PRPF18: variants seen among roughly 807,000 people sequenced by gnomAD.
PRPF18 encodes the protein pre-mRNA processing factor 18, also known as pre-mRNA-splicing factor 18.
Under a neutral mutation model 46.5 loss-of-function variants are expected in PRPF18, and 38 were observed. The ratio of observed to expected loss-of-function variants is 0.82; its 90% CI spans 0.63 to 1.07. The LOEUF is 1.07. Among genes scored for constraint, PRPF18 ranks in the 50% least tolerant of loss-of-function variants. The pLI is 0.00. For missense variants in PRPF18, 263 were observed against 410.0 expected (o/e 0.64, Z 3.10); for synonymous variants, 152 against 146.7 (o/e 1.04, Z -0.26).
chr10:13,655,132 G>T, the PRPF18 span: 2 of 152,272 alleles, frequency 1.3e-5, no homozygotes, highest in Admixed American at 1.3e-4. Context: ...TGGAAGTCCA[G>T]CTGGAAAGAT....
chr10:13,594,549 G>C (rs2065002868), intron 1 of PRPF18, among the ~76,000 whole-genome samples: 1 of 152,134 alleles, frequency 6.6e-6, no homozygotes, highest in Admixed American at 6.5e-5. Context: ...TTTTTACCTA[G>C]ATGTGATTTT....
intron 3 of PRPF18, among the ~76,000 whole-genome samples, chr10:13,603,713 C>G (rs1283998741): frequency 6.6e-6 from 1 of 152,134 alleles, no homozygotes; most frequent in Non-Finnish European, 1.5e-5. Flanking sequence ...GCGTCTAGAT[C>G]AAAGGCTTAT....
intron 4 of PRPF18, among the ~76,000 whole-genome samples, chr10:13,607,961 T>C (rs2080213845): frequency 1.3e-5 from 2 of 152,238 alleles, no homozygotes; most frequent in South Asian, 4.1e-4. Flanking sequence ...ATAGTGTTGT[T>C]CAGATCTTCT....
intron 3 of PRPF18, 107 bp from the exon 4 acceptor site, chr10:13,605,524 G>C (rs1259312206): frequency 4.2e-6 from 5 of 1,186,364 alleles, no homozygotes; most frequent in Non-Finnish European, 5.5e-6. Flanking sequence ...GGAGCTTGCA[G>C]TGAGCCGAGA....
intron 9 of PRPF18, among the ~76,000 whole-genome samples, chr10:13,628,331 T>A (rs2080541161): frequency 6.6e-6 from 1 of 152,212 alleles, no homozygotes; most frequent in Admixed American, 6.5e-5. Context: ...CATAGAAGTA[T>A]GTCATTTGTC....
At chr10:13,606,162 A>C (rs2080181677) in intron 4 of PRPF18, among the ~76,000 whole-genome samples, 1 of 152,042 alleles carries the variant, frequency 6.6e-6, no homozygotes, top group Non-Finnish European at 1.5e-5. Context: ...AAAGAGAAAA[A>C]GGAAATTTCC....
Position 13,613,736 on chromosome 10 carries a change from A to G in PRPF18, c.580-5A>G. ...GTAGTCTAAGTTTACCCATCCTTTC[A>G]ACAGTTTCTTCTTGGCGTTTGGGCT... On this transcript the variant is annotated splice_region_variant and splice_polypyrimidine_tract_variant and intron_variant, in intron 6 of 9. Transcript: ENST00000378572. 6.2e-7 allele frequency: 1 copy of G among 1,610,878 alleles called. No individual in the cohort carries two copies. The highest frequency in any genetic ancestry group is 8.5e-7 in the Non-Finnish European group (1 of 1,179,146).
chr10:13,655,498 C>T, the PRPF18 span: 2 of 152,166 alleles, frequency 1.3e-5, no homozygotes, highest in African/African-American at 4.8e-5. Context: ...CCACGGAACA[C>T]CCACCATTAC....
downstream of PRPF18, among the ~76,000 whole-genome samples, chr10:13,635,235 G>T (rs1395077914): frequency 1.3e-5 from 2 of 152,166 alleles, no homozygotes; most frequent in East Asian, 3.8e-4. Flanking sequence ...TCATTCCTTT[G>T]TATGGCTGTG....
In PRPF18 at chr10:13,616,643, C is replaced by T. The variant is rs142721257; in HGVS notation, c.948+90C>T. ...AGTCTGGAAAGCAGGCAGAGAATTACAGCAAATAGAACATAGCGTGATAGG... is the reference window on the plus strand; with the variant it reads ...AGTCTGGAAAGCAGGCAGAGAATTATAGCAAATAGAACATAGCGTGATAGG... On this transcript the variant is annotated intron_variant, in intron 9 of 9. Transcript: ENST00000378572. 1.5e-3 allele frequency: 2,193 copies of T among 1,505,986 alleles called. 28 individuals are homozygous for T. The African/African-American group carries it at 0.023, about 16-fold the overall frequency. The allele number at this position is 1,505,986 out of a possible 1,614,324, so 93.3% of individuals were successfully genotyped here.
intron 1 of PRPF18, among the ~76,000 whole-genome samples, chr10:13,590,121 T>TA (rs5783335): frequency 0.73 from 109,585 of 149,762 alleles, 40,113 homozygotes; most frequent in East Asian, 0.87. Context: ...AAATGATCAT[T>TA]AAAAAAAAAA....
chr10:13,652,690 G>A, the PRPF18 span, among the ~76,000 whole-genome samples: 1 of 152,276 alleles, frequency 6.6e-6, no homozygotes, highest in East Asian at 1.9e-4. Flanking sequence ...CCGAGCTGGG[G>A]CTCCAGTTTC....
chr10:13,591,145 G>A (rs2079955542), intron 1 of PRPF18, among the ~76,000 whole-genome samples: 1 of 152,180 alleles, frequency 6.6e-6, no homozygotes, highest in Non-Finnish European at 1.5e-5. Flanking sequence ...CTTGCATGAT[G>A]TAAGGGAACA....
chr10:13,609,976 A>C, intron 4 of PRPF18, 63 bp from the exon 5 acceptor site: 1 of 1,461,164 alleles, frequency 6.8e-7, no homozygotes, highest in Non-Finnish European at 9.3e-7. Context: ...GAAAAATCAA[A>C]GGTGAAAAAA....
chr10:13,654,242 A>G, the PRPF18 span: 14 of 624,182 alleles, frequency 2.2e-5, 1 homozygote, highest in South Asian at 1.9e-4. Flanking sequence ...CACAGCCAGG[A>G]AAAGGAGTAG....
chr10:13,602,383 C>T (rs2080124642), intron 3 of PRPF18, among the ~76,000 whole-genome samples: 1 of 152,040 alleles, frequency 6.6e-6, no homozygotes. Flanking sequence ...AGGGTGTTAA[C>T]CTGTGTTCAT....
chr10:13,635,717 G>A (rs569134041), downstream of PRPF18, among the ~76,000 whole-genome samples: 2 of 152,232 alleles, frequency 1.3e-5, no homozygotes, highest in African/African-American at 4.8e-5. Context: ...GTCTGTTCGT[G>A]TCCTTTGCCC....
chr10:13,603,815 A>G (rs2080148799), intron 3 of PRPF18, among the ~76,000 whole-genome samples: 1 of 152,208 alleles, frequency 6.6e-6, no homozygotes, highest in Non-Finnish European at 1.5e-5. Context: ...GCATAAAAGG[A>G]AATTTTCAGG....
chr10:13,602,453 T>G (rs932716020), intron 3 of PRPF18, among the ~76,000 whole-genome samples: 1 of 151,944 alleles, frequency 6.6e-6, no homozygotes, highest in Non-Finnish European at 1.5e-5. Flanking sequence ...TATCATTTAT[T>G]TTTTGCCATG....
Sources: gnomAD v4.1 joint callset for allele counts (sites outside exome capture counted in the v4.1 genomes callset) on GRCh38, gnomAD v4.1.1 for gene constraint, MANE v1.5 for transcripts, NCBI Gene and HGNC (gene_info 2026-07-23, HGNC 2026-07-21) for gene names.